The following RTN4 variants were observed in gnomAD, a reference collection of about 807,000 sequenced individuals.
RTN4 encodes reticulon 4.
RTN4 carries 32 observed loss-of-function variants against 90.4 expected under a neutral mutation model. That is an observed-to-expected ratio of 0.35 (90% CI 0.27 to 0.48). RTN4 has a LOEUF of 0.48. RTN4 is among the 20% of genes least tolerant of loss of function. The pLI, the probability that RTN4 is intolerant of heterozygous loss-of-function variation, is 0.99. For missense variants in RTN4, 1,706 were observed against 1,430.2 expected (o/e 1.19, Z -3.11); for synonymous variants, 629 against 552.5 (o/e 1.14, Z -1.94).
chr2:55,004,046 C>A (rs559057908), intron 3 of RTN4, among the ~76,000 whole-genome samples: 2 of 152,210 alleles, frequency 1.3e-5, no homozygotes, highest in African/African-American at 4.8e-5. Context: ...GCCTACATCC[C>A]AGCATGTAAT....
At position 54,987,566 on chromosome 2, in the gene RTN4, G is replaced by T. The variant is rs770464185; in HGVS notation, c.3146C>A (p.Ser1049Tyr). The T allele has an allele frequency of 1.9e-6, 3 of 1,614,068 alleles. No homozygotes were observed. In the African/African-American group the frequency reaches 4.0e-5, roughly 22 times the overall value. The part of the protein sequence containing the change: ...VTAYIALALL[S>Y]VTISFRIYKG... ...GTATATCCTAAAGCTGATGGTCACA[G>T]AGAGCAGGGCCAAGGCAATGTAGGC... The change falls in exon 4 of 9, where the codon TCT (serine) becomes TAT (tyrosine). Residue 1049 changes from serine to tyrosine, a missense_variant. Ser to Tyr is a moderately radical substitution (Grantham distance 144). Coordinates refer to ENST00000337526, the MANE Select transcript of RTN4 (RefSeq NM_020532.5).
intron 3 of RTN4, among the ~76,000 whole-genome samples, chr2:54,991,301 T>C (rs1678996003): frequency 1.3e-5 from 2 of 152,164 alleles, no homozygotes; most frequent in African/African-American, 4.8e-5. Flanking sequence ...CAACATAAAT[T>C]AATGTCTAAT....
At chr2:55,119,328 A>G in the RTN4 span, among the ~76,000 whole-genome samples, 1 of 152,196 alleles carries the variant, frequency 6.6e-6, no homozygotes, top group East Asian at 1.9e-4. Flanking sequence ...TATAATGGTA[A>G]TATACTCAAC....
At chr2:55,049,021 G>C (rs1480227169) in intron 1 of RTN4, 1 of 805,196 alleles carries the variant, frequency 1.2e-6, no homozygotes, top group African/African-American at 1.9e-5. Flanking sequence ...GCTCGGTTTA[G>C]CTGGTGGGGA....
At chr2:55,060,533 A>G (rs1464811102) in intron 2 of RTN4, 1 of 152,214 alleles carries the variant, frequency 6.6e-6, no homozygotes, top group Non-Finnish European at 1.5e-5. Flanking sequence ...GAGTGCTACT[A>G]TATGCTGGAC....
chr2:55,066,183 GTGTGTGTGTT>G (rs1470365283), intron 2 of RTN4, among the ~76,000 whole-genome samples: 42 of 119,256 alleles, frequency 3.5e-4, no homozygotes, highest in Admixed American at 1.6e-3. Context: ...GTGTGTGTGT[GTGTGTGTGTT>G]TGTGTGTGTG....
rs1214950870 is a variant in RTN4 at position 54,973,875 on chromosome 2, G to A, written c.3431-8C>T. The A allele has an allele frequency of 6.2e-7, 1 of 1,610,250 alleles. No homozygotes were observed. The highest frequency in any genetic ancestry group is 1.3e-5 in the African/African-American group (1 of 74,756). On this transcript the variant is annotated splice_polypyrimidine_tract_variant and splice_region_variant and intron_variant, in intron 6 of 8. Coordinates refer to ENST00000337526, the MANE Select transcript of RTN4 (RefSeq NM_020532.5). ...TGAAGAGTGAAATGAGAGCTGAAAA[G>A]GGAAATATACAACTTTTCAAAAAGA...
At chr2:55,134,056 C>T in the RTN4 span, among the ~76,000 whole-genome samples, 1 of 152,094 alleles carries the variant, frequency 6.6e-6, no homozygotes, top group South Asian at 2.1e-4. Flanking sequence ...ACTGAGGGTT[C>T]CTCTCCCTTT....
intron 1 of RTN4, among the ~76,000 whole-genome samples, chr2:55,086,550 G>C (rs1361848130): frequency 6.6e-6 from 1 of 151,788 alleles, no homozygotes; most frequent in Non-Finnish European, 1.5e-5. Flanking sequence ...TGCGCCTGTA[G>C]TTCCAACTGC....
At chr2:54,995,881 T>G (rs565387663) in intron 3 of RTN4, among the ~76,000 whole-genome samples, 18 of 150,982 alleles carry the variant, frequency 1.2e-4, no homozygotes, top group Admixed American at 4.0e-4. Flanking sequence ...CAAGGAATTG[T>G]TTTTTTTTCT....
At chr2:55,000,285 C>A (rs1027416934) in intron 3 of RTN4, among the ~76,000 whole-genome samples, 2 of 152,130 alleles carry the variant, frequency 1.3e-5, no homozygotes, top group African/African-American at 2.4e-5. Flanking sequence ...AACCAAATAC[C>A]TGGCAAGCCA....
intron 1 of RTN4, among the ~76,000 whole-genome samples, chr2:55,039,580 G>C (rs1490083574): frequency 6.6e-6 from 1 of 152,176 alleles, no homozygotes; most frequent in Non-Finnish European, 1.5e-5. Context: ...AGGAATTCGA[G>C]ACCAGCCTGC....
chr2:55,016,246 G>C (rs1681025938), intron 3 of RTN4, among the ~76,000 whole-genome samples: 2 of 152,052 alleles, frequency 1.3e-5, no homozygotes, highest in African/African-American at 4.8e-5. Context: ...ACAATATATA[G>C]AGTATGATTC....
At chr2:55,120,978 C>G in the RTN4 span, among the ~76,000 whole-genome samples, 1 of 152,142 alleles carries the variant, frequency 6.6e-6, no homozygotes, top group Non-Finnish European at 1.5e-5. Context: ...GCCACCAGGA[C>G]AGCTGGAAAA....
chr2:55,087,462 T>C (rs1339295498), intron 1 of RTN4, among the ~76,000 whole-genome samples: 1 of 152,216 alleles, frequency 6.6e-6, no homozygotes, highest in African/African-American at 2.4e-5. Context: ...CAAAACTTCA[T>C]AGAAATGCTA....
chr2:55,081,022 C>T (rs895137641), intron 1 of RTN4, among the ~76,000 whole-genome samples: 1 of 151,948 alleles, frequency 6.6e-6, no homozygotes, highest in African/African-American at 2.4e-5. Flanking sequence ...TGTATTCACT[C>T]TCTCTTTCTT....
intron 2 of RTN4, among the ~76,000 whole-genome samples, chr2:55,077,203 C>T (rs1265485649): frequency 3.3e-5 from 5 of 151,890 alleles, no homozygotes; most frequent in Admixed American, 6.6e-5. Flanking sequence ...TTAATAGAGA[C>T]GGGGTTTCAC....
In RTN4 at chr2:55,026,854, G is replaced by A. The variant is rs758144674; in HGVS notation, c.1245C>T (p.Asn415=). 1.3e-5 allele frequency: 21 copies of A among 1,613,688 alleles called. No homozygotes were observed. Among genetic ancestry groups the A allele is most frequent in the Non-Finnish European group, 1.0e-5 (12 of 1,179,868 alleles). ...ATTTTTTATCCACTTTACTTTCCAA[G>A]TTGCTCTCGATTTTACCTCCAGCAG... The part of the protein sequence containing the change: ...MLAAGGKIES[N]LESKVDKKCF... Residue 415 remains asparagine (N), a synonymous_variant, in exon 3 of 9, where the codon AAC becomes AAT. Coordinates refer to ENST00000337526, the MANE Select transcript of RTN4 (RefSeq NM_020532.5).
At chr2:55,045,519 A>G (rs1683362700) in intron 1 of RTN4, among the ~76,000 whole-genome samples, 1 of 152,194 alleles carries the variant, frequency 6.6e-6, no homozygotes, top group South Asian at 2.1e-4. Context: ...ACCTATCTTG[A>G]ATATTGTCAC....
Sources: gnomAD v4.1 joint callset for allele counts (sites outside exome capture counted in the v4.1 genomes callset) on GRCh38, gnomAD v4.1.1 for gene constraint, MANE v1.5 for transcripts, NCBI Gene and HGNC (gene_info 2026-07-23, HGNC 2026-07-21) for gene names.